The following MAP7D1 variants were observed in gnomAD, a reference collection of about 807,000 sequenced individuals.
MAP7D1 encodes MAP7 domain containing 1, also known as MAP7 domain-containing protein 1.
Under a neutral mutation model 97.5 loss-of-function variants are expected in MAP7D1, and 30 were observed. The observed-to-expected ratio is 0.31, with a 90% CI of 0.23 to 0.42. The LOEUF is 0.42. Ranked by LOEUF, MAP7D1 falls within the 10% of genes least tolerant of loss-of-function variation. The probability of loss-of-function intolerance (pLI) is 1.00; values close to 1 mark genes in which losing one functional copy is unlikely to be tolerated. For missense variants in MAP7D1, 1,184 were observed against 1,179.5 expected, an observed-to-expected ratio of 1.00 and a Z score of -0.06; for synonymous variants, 536 against 477.1, an observed-to-expected ratio of 1.12 and a Z score of -1.61.
At chr1:36,171,934 CAAAAAAAAAAA>C (rs10631607) in intron 3 of MAP7D1, 3 of 62,900 alleles carry the variant, frequency 4.8e-5, no homozygotes, top group East Asian at 5.5e-4. Context: ...AACTCCGTCT[CAAAAAAAAAAA>C]AAAAAAAAAA....
rs12563354 is a variant in MAP7D1, at chr1:36,178,084, C to A, written c.1591C>A (p.Arg531Ser). 0.011 allele frequency: 17,927 copies of A among 1,607,236 alleles called. 793 individuals carry two copies. In the East Asian group the frequency reaches 0.16, roughly 15 times the overall value. ...AGPEDKSQSK[R>S]RASNEKESAA... ...GCCCGAGGACAAGAGCCAGAGCAAG[C>A]GCAGGGCCAGTAACGAGAAGGAGTC... The change falls in exon 9 of 17, where the codon CGC becomes AGC. Residue 531 changes from arginine to serine, a missense_variant. Transcript: ENST00000474796.
At chr1:36,156,897 G>A (rs1028465672) in intron 1 of MAP7D1, among the ~76,000 whole-genome samples, 16 of 152,000 alleles carry the variant, frequency 1.1e-4, no homozygotes, top group African/African-American at 3.6e-4. Context: ...ATATTCTCAG[G>A]CCTGGGCCCT....
intron 1 of MAP7D1, among the ~76,000 whole-genome samples, chr1:36,164,219 A>G (rs1644447723): frequency 6.6e-6 from 1 of 152,122 alleles, no homozygotes; most frequent in Admixed American, 6.5e-5. Context: ...CTGTTTATTC[A>G]AATATTTTAT....
At chr1:36,157,803 C>T (rs1374480071) in intron 1 of MAP7D1, among the ~76,000 whole-genome samples, 2 of 152,158 alleles carry the variant, frequency 1.3e-5, no homozygotes, top group Non-Finnish European at 2.9e-5. Context: ...AGGGGACTGT[C>T]TGGGTGTGGG....
intron 1 of MAP7D1, among the ~76,000 whole-genome samples, chr1:36,162,682 T>G (rs964224392): frequency 1.3e-5 from 2 of 152,182 alleles, no homozygotes; most frequent in Admixed American, 6.5e-5. Flanking sequence ...AGTTTGGGCC[T>G]GGAAACTGGC....
chr1:36,180,148 G>A, intron 16 of MAP7D1, 81 bp downstream of exon 16: 1 of 1,610,244 alleles, frequency 6.2e-7, no homozygotes, highest in South Asian at 1.1e-5. Context: ...TTCTCTTCTG[G>A]CTCTGCCAGG....
Position 36,179,576 on chromosome 1 carries a change from T to C in MAP7D1, c.2227+19T>C, listed in dbSNP as rs549162343. 1 of 1,557,964 alleles carries C rather than the reference T, an allele frequency of 6.4e-7. No individual in the cohort carries two copies. The highest frequency in any genetic ancestry group is 1.2e-5 in the South Asian group (1 of 84,614). On this transcript the variant is annotated intron_variant, in intron 14 of 16. Coordinates refer to ENST00000474796, the MANE Select transcript of MAP7D1 (RefSeq NM_001388490.1). ...AGCCCAGGTAAAGCCCCCATTCCTC[T>C]CGCCTCCCTTCCCTTTGCCATCCTC...
chr1:36,178,041 G>A lies in MAP7D1; in HGVS notation c.1548G>A (p.Glu516=), dbSNP rs1644653563. ...TTCGGAGGAAGGAGGAGGCAAAGGA[G>A]AGCCCCAGCGCCGCAGGGCCCGAGG... is the stretch of plus-strand genomic sequence containing the variant. The part of the protein sequence containing the change: ...GRVRRKEEAK[E]SPSAAGPEDK... Residue 516 remains glutamate, a synonymous_variant, in exon 9 of 17, where the codon GAG becomes GAA. Transcript: ENST00000474796. 1 of 1,613,324 alleles carries A rather than the reference G, an allele frequency of 6.2e-7. No individual in the cohort carries two copies. Among genetic ancestry groups the A allele is most frequent in the Non-Finnish European group, 8.5e-7 (1 of 1,179,714 alleles).
At chr1:36,166,767 G>A (rs1344278750) in intron 1 of MAP7D1, among the ~76,000 whole-genome samples, 1 of 152,160 alleles carries the variant, frequency 6.6e-6, no homozygotes, top group African/African-American at 2.4e-5. Flanking sequence ...ACTGGAGCAG[G>A]GAGTCTTTTA....
chr1:36,162,296 G>T (rs1025341429), intron 1 of MAP7D1, among the ~76,000 whole-genome samples: 2 of 152,172 alleles, frequency 1.3e-5, no homozygotes, highest in Admixed American at 1.3e-4. Context: ...GCAGGAGCCT[G>T]CCTTCCCTAC....
chr1:36,166,750 A>T (rs1371788790), intron 1 of MAP7D1, among the ~76,000 whole-genome samples: 2 of 152,216 alleles, frequency 1.3e-5, no homozygotes, highest in Admixed American at 1.3e-4. Context: ...ACCCAGGGGG[A>T]ACAAAGACTG....
chr1:36,175,271 C>T (rs1489520061), intron 6 of MAP7D1, among the ~76,000 whole-genome samples: 1 of 152,254 alleles, frequency 6.6e-6, no homozygotes, highest in African/African-American at 2.4e-5. Context: ...GCAGGAGCCT[C>T]AAGAGCAAGT....
In MAP7D1 at chr1:36,156,313, G is replaced by A. The variant is rs1170330759; in HGVS notation, c.-105G>A. ...CCCGCCTCCGAGTCGCTACTTGCCG[G>A]GCCGGGCCGGGCCGGGCGTGATGCG... On this transcript the variant is annotated 5_prime_UTR_variant, in exon 1 of 17. Transcript: ENST00000474796. 3 of 955,412 alleles carry A rather than the reference G, an allele frequency of 3.1e-6. No homozygotes were observed. Among genetic ancestry groups the A allele is most frequent in the South Asian group, 2.5e-5 (1 of 39,748 alleles). The allele number at this position is 955,412 out of a possible 1,614,324, so 59.2% of individuals were successfully genotyped here.
intron 4 of MAP7D1, 37 bp downstream of exon 4, chr1:36,172,664 T>C (rs755507434): frequency 6.6e-7 from 1 of 1,507,138 alleles, no homozygotes; most frequent in Non-Finnish European, 9.0e-7. Flanking sequence ...TGTACACGTG[T>C]GCTCACCGTC....
In MAP7D1 at chr1:36,179,965, T is replaced by G; in HGVS notation, c.2410T>G (p.Ser804Ala). Reference sequence around the variant, plus strand: ...GAATGGCTTCTCCACCAACGGACCCTCTGGGGACAAGAGTCTGAGCCGAAC... The same window carrying G: ...GAATGGCTTCTCCACCAACGGACCCGCTGGGGACAAGAGTCTGAGCCGAAC... ...QENGFSTNGPSGDKSLSRTPE... is the reference protein window; with the variant it reads ...QENGFSTNGPAGDKSLSRTPE... The change falls in exon 16 of 17, where the codon TCT becomes GCT. Residue 804 changes from serine (S) to alanine (A), a missense_variant. Physicochemically the swap from Ser to Ala is moderately conservative, Grantham distance 99. Transcript: ENST00000474796. 1 of 1,614,166 alleles carries G rather than the reference T, an allele frequency of 6.2e-7. No individual in the cohort carries two copies. Among genetic ancestry groups the G allele is most frequent in the Non-Finnish European group, 8.5e-7 (1 of 1,180,012 alleles).
chr1:36,176,690 C>T lies in MAP7D1; in HGVS notation c.1234-7C>T, dbSNP rs1644629957. ...ACTCTCCTCTTCCGTTCCTCCTTCC[C>T]TGCCAGGTGCAGAAAAAGGAGAAGA... On this transcript the variant is annotated splice_region_variant and splice_polypyrimidine_tract_variant and intron_variant, in intron 7 of 16. Coordinates refer to ENST00000474796, the MANE Select transcript of MAP7D1 (RefSeq NM_001388490.1). The surrounding 1 kb of genome is among the most constrained non-coding windows in gnomAD (Gnocchi z 6.1). 2 of 1,605,458 alleles carry T rather than the reference C, an allele frequency of 1.2e-6. No homozygotes were observed. Among genetic ancestry groups the T allele is most frequent in the African/African-American group, 1.3e-5 (1 of 74,942 alleles).
intron 13 of MAP7D1, 75 bp downstream of exon 13, chr1:36,179,390 T>C: frequency 6.3e-7 from 1 of 1,593,608 alleles, no homozygotes. Context: ...AAGGCATCCA[T>C]GGCCACGGAG....
intron 6 of MAP7D1, 81 bp downstream of exon 6, chr1:36,175,089 C>A: frequency 1.2e-6 from 1 of 850,882 alleles, no homozygotes; most frequent in Non-Finnish European, 1.8e-6. Flanking sequence ...GCAAGAACAC[C>A]AGGTCCCTGG....
rs896071201 is a variant in MAP7D1, at chr1:36,179,566, C to A, written c.2227+9C>A. On this transcript the variant is annotated intron_variant, in intron 14 of 16. Coordinates refer to ENST00000474796, the MANE Select transcript of MAP7D1 (RefSeq NM_001388490.1). ...CAACGGTTCCAGCCCAGGTAAAGCC[C>A]CCATTCCTCTCGCCTCCCTTCCCTT... The A allele has an allele frequency of 6.4e-7, 1 of 1,563,640 alleles. No individual in the cohort carries two copies. Among genetic ancestry groups the A allele is most frequent in the Non-Finnish European group, 8.7e-7 (1 of 1,153,064 alleles).
Sources: allele counts gnomAD v4.1 joint callset (sites outside exome capture counted in the v4.1 genomes callset), GRCh38; gene constraint gnomAD v4.1.1; non-coding constraint Gnocchi (gnomAD v3.1); transcripts MANE v1.5; gene names NCBI Gene and HGNC (gene_info 2026-07-23, HGNC 2026-07-21).